ABTB3: variants seen among roughly 807,000 people sequenced by gnomAD.
ABTB3 encodes ankyrin repeat- and BTB/POZ domain-containing protein 3.
the ABTB3 span, among the ~76,000 whole-genome samples, chr12:107,511,909 A>G: frequency 1.3e-5 from 2 of 152,076 alleles, no homozygotes; most frequent in African/African-American, 2.4e-5. Context: ...TATTTTACCT[A>G]TTCTGACGGA....
chr12:107,362,066 A>G, the ABTB3 span, among the ~76,000 whole-genome samples: 1 of 152,192 alleles, frequency 6.6e-6, no homozygotes, highest in African/African-American at 2.4e-5. Context: ...AGCCTCCAGA[A>G]CTGTGAAAAA....
At chr12:107,379,366 T>C in the ABTB3 span, among the ~76,000 whole-genome samples, 1,810 of 152,162 alleles carry the variant, frequency 0.012, 46 homozygotes, top group African/African-American at 0.041. Flanking sequence ...AATTGAATCA[T>C]GGGGGTGGGT....
At chr12:107,519,604 C>CT in the ABTB3 span, among the ~76,000 whole-genome samples, 1 of 152,168 alleles carries the variant, frequency 6.6e-6, no homozygotes, top group African/African-American at 2.4e-5. Context: ...GGGCGTGAGC[C>CT]ACCACACCAG....
At chr12:107,518,432 G>T in the ABTB3 span, among the ~76,000 whole-genome samples, 16 of 152,258 alleles carry the variant, frequency 1.1e-4, no homozygotes, top group Admixed American at 4.6e-4. Context: ...CATAAAAAAT[G>T]ATGAGTTCAT....
the ABTB3 span, among the ~76,000 whole-genome samples, chr12:107,502,787 T>C: frequency 6.6e-6 from 1 of 152,142 alleles, no homozygotes; most frequent in African/African-American, 2.4e-5. Flanking sequence ...GCTTGTATGA[T>C]CCTTATGAGA....
chr12:107,329,482 C>A, the ABTB3 span, among the ~76,000 whole-genome samples: 1 of 152,192 alleles, frequency 6.6e-6, no homozygotes, highest in Non-Finnish European at 1.5e-5. Flanking sequence ...TGTTAATAAT[C>A]ATCATCATTA....
the ABTB3 span, chr12:107,520,615 G>T: frequency 6.2e-7 from 1 of 1,614,194 alleles, no homozygotes; most frequent in Non-Finnish European, 8.5e-7. Context: ...GGCCACGCGC[G>T]TAGGCAGCAT....
the ABTB3 span, among the ~76,000 whole-genome samples, chr12:107,509,229 G>T: frequency 2.0e-5 from 3 of 152,198 alleles, no homozygotes; most frequent in African/African-American, 7.2e-5. Context: ...GAGAGAAGGA[G>T]GGATGACAAA....
At chr12:107,432,825 C>T in the ABTB3 span, among the ~76,000 whole-genome samples, 12 of 152,028 alleles carry the variant, frequency 7.9e-5, no homozygotes, top group South Asian at 2.1e-4. Flanking sequence ...ATAACAAGCT[C>T]CCCCCGAGGT....
At chr12:107,470,796 G>A in the ABTB3 span, among the ~76,000 whole-genome samples, 1 of 152,222 alleles carries the variant, frequency 6.6e-6, no homozygotes, top group Non-Finnish European at 1.5e-5. Context: ...TGGCCAGAGC[G>A]AGGGGAGTGG....
chr12:107,394,071 G>A, the ABTB3 span, among the ~76,000 whole-genome samples: 1 of 152,180 alleles, frequency 6.6e-6, no homozygotes, highest in East Asian at 1.9e-4. Context: ...TTAACCAACT[G>A]CTCCATCAAA....
At chr12:107,626,972 A>AC in the ABTB3 span, among the ~76,000 whole-genome samples, 1 of 152,108 alleles carries the variant, frequency 6.6e-6, no homozygotes, top group Admixed American at 6.5e-5. Flanking sequence ...ACATCACAAG[A>AC]CCCCATCTCT....
At chr12:107,499,225 A>G in the ABTB3 span, among the ~76,000 whole-genome samples, 1 of 152,172 alleles carries the variant, frequency 6.6e-6, no homozygotes, top group Non-Finnish European at 1.5e-5. Flanking sequence ...ATAACACAGT[A>G]CAAACTTTCA....
the ABTB3 span, among the ~76,000 whole-genome samples, chr12:107,389,279 G>T: frequency 2.0e-5 from 3 of 152,152 alleles, no homozygotes; most frequent in Non-Finnish European, 4.4e-5. Context: ...ACTTCCTCTA[G>T]TCTCTCCCCC....
chr12:107,617,992 C>A, the ABTB3 span, among the ~76,000 whole-genome samples: 1 of 152,106 alleles, frequency 6.6e-6, no homozygotes, highest in African/African-American at 2.4e-5. Context: ...TCCTCCATCC[C>A]CAAAATGTGG....
the ABTB3 span, among the ~76,000 whole-genome samples, chr12:107,334,421 T>C: frequency 2.0e-5 from 3 of 151,814 alleles, no homozygotes; most frequent in African/African-American, 4.8e-5. Flanking sequence ...ATGAGGGGGG[T>C]TAAGGAAGAC....
chr12:107,532,059 G>A, the ABTB3 span, among the ~76,000 whole-genome samples: 1 of 152,162 alleles, frequency 6.6e-6, no homozygotes, highest in Admixed American at 6.5e-5. Flanking sequence ...CCTGCCCCAG[G>A]GCCACCACCA....
chr12:107,526,646 A>C, the ABTB3 span, among the ~76,000 whole-genome samples: 1 of 152,114 alleles, frequency 6.6e-6, no homozygotes, highest in Non-Finnish European at 1.5e-5. Flanking sequence ...AGAAAAAAAA[A>C]TGAGGACTTC....
At chr12:107,510,256 C>G in the ABTB3 span, among the ~76,000 whole-genome samples, 2 of 152,140 alleles carry the variant, frequency 1.3e-5, no homozygotes, top group African/African-American at 2.4e-5. Flanking sequence ...AACAGAAGAC[C>G]AAGTCTAGCT....
Sources: allele counts gnomAD v4.1 joint callset (sites outside exome capture counted in the v4.1 genomes callset), GRCh38; gene constraint gnomAD v4.1.1; transcripts MANE v1.5; gene names NCBI Gene and HGNC (gene_info 2026-07-23, HGNC 2026-07-21).